ATRN: variants seen among roughly 807,000 people sequenced by gnomAD.
ATRN encodes the protein attractin, also known as attractin-2.
Under a neutral mutation model 178.7 loss-of-function variants are expected in ATRN, and 54 were observed. The observed-to-expected ratio is 0.30, with a 90% CI of 0.24 to 0.38. The LOEUF (loss-of-function observed/expected upper bound fraction) is 0.38, where lower values mean the gene tolerates loss of function less well. Among genes scored for constraint, ATRN ranks in the 10% least tolerant of loss-of-function variants. ATRN has a pLI of 1.00. For missense variants in ATRN, 1,443 were observed against 1,815.1 expected, an observed-to-expected ratio of 0.79 and a Z score of 3.73; for synonymous variants, 636 against 663.0, an observed-to-expected ratio of 0.96 and a Z score of 0.63.
In ATRN at chr20:3,471,472, C is replaced by T; in HGVS notation, c.365C>T (p.Ala122Val). 3 of 1,413,148 alleles carry T rather than the reference C, an allele frequency of 2.1e-6. No individual in the cohort carries two copies. The highest frequency in any genetic ancestry group is 2.7e-6 in the Non-Finnish European group (3 of 1,092,344). The allele number at this position is 1,413,148 out of a possible 1,614,324, so 87.5% of individuals were successfully genotyped here. The change falls in exon 1 of 29, where the codon GCC becomes GTC. Residue 122 changes from alanine to valine, a missense_variant. By Grantham distance (64) the Ala-to-Val change is moderately conservative. Transcript: ENST00000262919. ...GGCACCGGCCAGTGCGTCTGCCCCG[C>T]CGGCTGGGTGGGCGAGCAATGCCAG... Reference protein sequence around the residue: ...NPGTGQCVCPAGWVGEQCQHC... With the variant: ...NPGTGQCVCPVGWVGEQCQHC...
intron 25 of ATRN, among the ~76,000 whole-genome samples, chr20:3,630,842 G>C (rs539296815): frequency 7.0e-6 from 1 of 142,826 alleles, no homozygotes; most frequent in South Asian, 2.4e-4. Flanking sequence ...GCTAAGAATA[G>C]AGTTACTTTC....
intron 1 of ATRN, among the ~76,000 whole-genome samples, chr20:3,502,331 C>A (rs2084975673): frequency 6.6e-6 from 1 of 152,064 alleles, no homozygotes; most frequent in Non-Finnish European, 1.5e-5. Context: ...AACTCTAAAT[C>A]TTGGAATTGG....
At chr20:3,534,548 G>A (rs2085496853) in intron 1 of ATRN, among the ~76,000 whole-genome samples, 1 of 152,156 alleles carries the variant, frequency 6.6e-6, no homozygotes, top group African/African-American at 2.4e-5. Context: ...AGAAGGTAAG[G>A]GAGGCAGATC....
intron 25 of ATRN, 31 bp downstream of exon 25, chr20:3,624,603 C>G: frequency 6.4e-7 from 1 of 1,556,982 alleles, no homozygotes; most frequent in East Asian, 2.2e-5. Context: ...TCTCTCTGTT[C>G]TTTTGATTTA....
At chr20:3,576,679 A>ATCTGTCTG (rs369364158) in intron 13 of ATRN, among the ~76,000 whole-genome samples, 180 bp from the exon 14 acceptor site, 12,894 of 142,064 alleles carry the variant, frequency 0.091, 660 homozygotes, top group Middle Eastern at 0.11. Context: ...TTATCTATCT[A>ATCTGTCTG]TCTGTCTGTC....
chr20:3,610,648 C>T (rs1212456786), intron 24 of ATRN, among the ~76,000 whole-genome samples: 1 of 147,860 alleles, frequency 6.8e-6, no homozygotes, highest in Non-Finnish European at 1.5e-5. Flanking sequence ...TCACAGCACA[C>T]TGCAGCCTCA....
intron 1 of ATRN, among the ~76,000 whole-genome samples, chr20:3,492,314 G>A (rs1341047817): frequency 6.6e-6 from 1 of 151,962 alleles, no homozygotes; most frequent in African/African-American, 2.4e-5. Flanking sequence ...GCAGGTGAGA[G>A]GAGAAGGATT....
At position 3,490,315 on chromosome 20, in the gene ATRN, G is replaced by A. The variant is rs139674725; in HGVS notation, c.410+18798G>A. On this transcript the variant is annotated intron_variant, in intron 1 of 28. Transcript: ENST00000262919. ...GATGGGCTCCAGCATGGGTCAGAGC[G>A]CTGCTTGTCTCTTTCGCCCATCCAG... The A allele has an allele frequency of 1.2e-4, 119 of 1,020,334 alleles. 2 individuals carry two copies. The Middle Eastern group carries it at 1.2e-3, about 10-fold the overall frequency. 63.2% of individuals were successfully genotyped at this position (1,020,334 alleles called of 1,614,324 possible).
intron 24 of ATRN, among the ~76,000 whole-genome samples, chr20:3,611,886 A>G (rs1201622121): frequency 6.6e-6 from 1 of 152,218 alleles, no homozygotes; most frequent in East Asian, 1.9e-4. Flanking sequence ...TCACTCATAC[A>G]TTGTTGGTGG....
chr20:3,552,036 C>T, intron 6 of ATRN, among the ~76,000 whole-genome samples: 1 of 152,206 alleles, frequency 6.6e-6, no homozygotes, highest in Non-Finnish European at 1.5e-5. Flanking sequence ...CTGGCACCAA[C>T]ATTTGATACA....
At chr20:3,626,781 C>CTTTTT (rs33999405) in intron 25 of ATRN, among the ~76,000 whole-genome samples, 5 of 118,172 alleles carry the variant, frequency 4.2e-5, no homozygotes, top group African/African-American at 6.5e-5. Flanking sequence ...TGAATTATTT[C>CTTTTT]TTTTTTTTTT....
At chr20:3,624,053 G>A (rs956424911) in intron 24 of ATRN, among the ~76,000 whole-genome samples, 46 of 152,262 alleles carry the variant, frequency 3.0e-4, no homozygotes, top group African/African-American at 1.1e-3. Context: ...ACAATTTTTT[G>A]TAAAAAGGAC....
intron 1 of ATRN, among the ~76,000 whole-genome samples, chr20:3,473,428 CAG>C (rs2084461820): frequency 6.6e-6 from 1 of 152,024 alleles, no homozygotes; most frequent in African/African-American, 2.4e-5. Context: ...GTGGCAGGAG[CAG>C]AGAGAGCAAA....
At chr20:3,594,733 A>G (rs1875496838) in intron 20 of ATRN, among the ~76,000 whole-genome samples, 161 bp downstream of exon 20, 1 of 152,232 alleles carries the variant, frequency 6.6e-6, no homozygotes, top group South Asian at 2.1e-4. Flanking sequence ...TATTTCAGAC[A>G]GGTCAGTCCC....
chr20:3,552,961 A>G (rs2085810224), intron 6 of ATRN, among the ~76,000 whole-genome samples: 1 of 152,168 alleles, frequency 6.6e-6, no homozygotes, highest in African/African-American at 2.4e-5. Flanking sequence ...ATATCCTATC[A>G]TCTTCGCCAT....
intron 6 of ATRN, among the ~76,000 whole-genome samples, chr20:3,552,897 C>T (rs1189344823): frequency 6.6e-6 from 1 of 152,138 alleles, no homozygotes; most frequent in East Asian, 1.9e-4. Flanking sequence ...TTCATCAGGC[C>T]ACAAGAAGAG....
chr20:3,486,216 A>G (rs571961578), intron 1 of ATRN, among the ~76,000 whole-genome samples: 1 of 152,086 alleles, frequency 6.6e-6, no homozygotes, highest in Non-Finnish European at 1.5e-5. Context: ...AGGTATAACA[A>G]GTGTGACGTG....
At chr20:3,611,468 G>A (rs2086764804) in intron 24 of ATRN, among the ~76,000 whole-genome samples, 1 of 152,242 alleles carries the variant, frequency 6.6e-6, no homozygotes, top group African/African-American at 2.4e-5. Flanking sequence ...GAGGCCAGGT[G>A]TGGTTCACAC....
At chr20:3,479,321 T>G (rs1376346538) in intron 1 of ATRN, among the ~76,000 whole-genome samples, 1 of 152,186 alleles carries the variant, frequency 6.6e-6, no homozygotes, top group African/African-American at 2.4e-5. Flanking sequence ...TGCTTTCCCC[T>G]AAGAGAAGTT....
Sources: gnomAD v4.1 joint callset for allele counts (sites outside exome capture counted in the v4.1 genomes callset) on GRCh38, gnomAD v4.1.1 for gene constraint, MANE v1.5 for transcripts, NCBI Gene and HGNC (gene_info 2026-07-23, HGNC 2026-07-21) for gene names.